Variants in C19orf18 observed in about 807,000 individuals in gnomAD.
The protein encoded by C19orf18 is uncharacterized protein C19orf18.
C19orf18 carries 21 observed loss-of-function variants against 23.3 expected under a neutral mutation model. The observed-to-expected ratio is 0.90, with a 90% CI of 0.64 to 1.30. The LOEUF (loss-of-function observed/expected upper bound fraction) is 1.30. C19orf18 is among the 50% of genes most tolerant of loss of function. C19orf18 has a pLI of 0.00. For missense variants in C19orf18, 249 were observed against 259.6 expected, an observed-to-expected ratio of 0.96 and a Z score of 0.28; for synonymous variants, 96 against 95.2, an observed-to-expected ratio of 1.01 and a Z score of -0.05.
Position 57,972,477 on chromosome 19 carries a change from A to T in C19orf18, c.254T>A (p.Phe85Tyr). 6.2e-7 allele frequency: 1 copy of T among 1,614,074 alleles called. No homozygotes were observed. The highest frequency in any genetic ancestry group is 2.2e-5 in the East Asian group (1 of 44,878). The stretch of plus-strand genomic sequence containing the variant: ...CCTTGGCTTACCTTTATTCCTCAGG[A>T]ATTTCATGGGGTTCGTAGGGGATGC... ...TAASPTNPMK[F>Y]LRNKAIIRHR... The change falls in exon 3 of 6, where the codon TTC becomes TAC. Residue 85 changes from phenylalanine to tyrosine, a missense_variant. Physicochemically the swap from Phe to Tyr is conservative, Grantham distance 22 (BLOSUM62 3). Coordinates refer to ENST00000314391, the MANE Select transcript of C19orf18 (RefSeq NM_152474.5).
At chr19:57,967,949 T>A (rs1034936591) in intron 3 of C19orf18, among the ~76,000 whole-genome samples, 11 of 151,940 alleles carry the variant, frequency 7.2e-5, no homozygotes, top group African/African-American at 2.4e-4. Context: ...GAGGTGGAGG[T>A]TGCAGTGAGC....
chr19:57,969,303 T>A (rs1007551996), intron 3 of C19orf18, among the ~76,000 whole-genome samples: 3 of 152,086 alleles, frequency 2.0e-5, no homozygotes, highest in African/African-American at 7.2e-5. Context: ...ATGCCTGTAG[T>A]CCCAGCACTT....
chr19:57,970,203 T>G (rs953899958), intron 3 of C19orf18, among the ~76,000 whole-genome samples: 14 of 152,296 alleles, frequency 9.2e-5, no homozygotes, highest in African/African-American at 2.6e-4. Flanking sequence ...TCTGCCTTTT[T>G]TCCTGTAAAT....
At chr19:57,965,000 C>G (rs1476382067) in intron 4 of C19orf18, among the ~76,000 whole-genome samples, 1 of 152,096 alleles carries the variant, frequency 6.6e-6, no homozygotes, top group Non-Finnish European at 1.5e-5. Flanking sequence ...GATGTAACTT[C>G]CCCCAAAGCT....
chr19:57,968,117 G>T (rs1218045029), intron 3 of C19orf18, among the ~76,000 whole-genome samples: 1 of 152,244 alleles, frequency 6.6e-6, no homozygotes, highest in African/African-American at 2.4e-5. Context: ...TTGGTGGCTG[G>T]CGAGGGTTCA....
intron 5 of C19orf18, 80 bp downstream of exon 5, chr19:57,961,311 G>T: frequency 3.7e-6 from 5 of 1,358,948 alleles, no homozygotes; most frequent in Non-Finnish European, 5.0e-6. Context: ...GCAAGCCACC[G>T]CTGAGAAAGA....
intron 5 of C19orf18, 47 bp from the exon 6 acceptor site, chr19:57,958,764 A>C: frequency 8.9e-7 from 1 of 1,118,120 alleles, no homozygotes; most frequent in East Asian, 2.7e-5. Context: ...AGTGAGGAAT[A>C]AAAATGGAGA....
At chr19:57,960,994 G>A (rs1346690267) in intron 5 of C19orf18, among the ~76,000 whole-genome samples, 2 of 152,074 alleles carry the variant, frequency 1.3e-5, no homozygotes, top group Admixed American at 1.3e-4. Context: ...CCTGGCACCC[G>A]AGCGTTGGTG....
intron 2 of C19orf18, among the ~76,000 whole-genome samples, chr19:57,973,772 C>G (rs76973178): frequency 1.3e-5 from 2 of 151,866 alleles, no homozygotes; most frequent in Admixed American, 6.6e-5. Flanking sequence ...CACAAACCTT[C>G]TGTGTCTAGA....
chr19:57,966,257 G>A (rs962646074), intron 4 of C19orf18, among the ~76,000 whole-genome samples: 1 of 152,012 alleles, frequency 6.6e-6, no homozygotes, highest in East Asian at 1.9e-4. Context: ...GATTACAAGC[G>A]TGAGCCACCA....
chr19:57,969,521 C>G (rs1478416755), intron 3 of C19orf18, among the ~76,000 whole-genome samples: 1 of 131,108 alleles, frequency 7.6e-6, no homozygotes, highest in Non-Finnish European at 1.6e-5. Context: ...CGCCATTGCA[C>G]TCCAGCCTGG....
In C19orf18 at chr19:57,966,777, T is replaced by C. The variant is rs1356370195; in HGVS notation, c.269-145A>G. 4 of 603,896 alleles carry C rather than the reference T, an allele frequency of 6.6e-6. No homozygotes were observed. The Admixed American group carries it at 1.1e-4, about 17-fold the overall frequency. The allele number at this position is 603,896 out of a possible 1,614,324, so 37.4% of individuals were successfully genotyped here. ...TAGCTTGTTTTGTTTTTTTTTGTTTTGTTTTCTTTTTTGACACTGAGTCTC... is the reference window on the plus strand; with the variant it reads ...TAGCTTGTTTTGTTTTTTTTTGTTTCGTTTTCTTTTTTGACACTGAGTCTC... On this transcript the variant is annotated intron_variant, in intron 3 of 5. Transcript: ENST00000314391.
At chr19:57,962,443 GTAGGTC>G (rs2072880026) in intron 4 of C19orf18, among the ~76,000 whole-genome samples, 3 of 152,198 alleles carry the variant, frequency 2.0e-5, no homozygotes, top group Non-Finnish European at 2.9e-5. Flanking sequence ...CTACCTCACT[GTAGGTC>G]CAATCCTGGA....
intron 3 of C19orf18, among the ~76,000 whole-genome samples, chr19:57,969,700 A>G (rs2072932979): frequency 6.7e-6 from 1 of 149,670 alleles, no homozygotes; most frequent in Non-Finnish European, 1.5e-5. Context: ...TGAGGTCAGG[A>G]GTTTGAGACC....
rs569601467 is a variant in C19orf18, at chr19:57,959,144, C to A, written c.533-427G>T. ...GTTAGTATGTCTGAATCACACACTA[C>A]ACTCTCTATAGTTTTCTCTCTAGAA... On this transcript the variant is annotated intron_variant, in intron 5 of 5. Coordinates refer to ENST00000314391, the MANE Select transcript of C19orf18 (RefSeq NM_152474.5). 2.6e-5 allele frequency among the ~76,000 whole-genome samples: 4 copies of A among 152,268 alleles called. No homozygotes were observed. The South Asian group carries it at 8.3e-4, about 32-fold the overall frequency.
chr19:57,974,372 G>T lies in C19orf18; in HGVS notation c.61C>A (p.His21Asn). 6.2e-7 allele frequency: 1 copy of T among 1,614,114 alleles called. No homozygotes were observed. The highest frequency in any genetic ancestry group is 8.5e-7 in the Non-Finnish European group (1 of 1,180,000). The change falls in exon 1 of 6, where the codon CAT (histidine) becomes AAT (asparagine). Residue 21 changes from histidine to asparagine, a missense_variant. Coordinates refer to ENST00000314391, the MANE Select transcript of C19orf18 (RefSeq NM_152474.5). The part of the protein sequence containing the change: ...LFLFLMECQL[H>N]LCLPYADGLH... ...CCATCTGCATACGGCAAGCATAAATGAAGTTGGCATTCCATTAAAAACAAA... is the reference window on the plus strand; with the variant it reads ...CCATCTGCATACGGCAAGCATAAATTAAGTTGGCATTCCATTAAAAACAAA...
At chr19:57,969,598 C>CAAAAAAAAAAAAAAAAAAAAAAAA (rs2072932325) in intron 3 of C19orf18, among the ~76,000 whole-genome samples, 1 of 67,386 alleles carries the variant, frequency 1.5e-5, no homozygotes, top group Non-Finnish European at 3.0e-5. Flanking sequence ...AAAAAAAAAC[C>CAAAAAAAAAAAAAAAAAAAAAAAA]AAGAAAAAAA....
intron 4 of C19orf18, among the ~76,000 whole-genome samples, chr19:57,963,495 T>A (rs551480539): frequency 7.6e-4 from 116 of 152,342 alleles, no homozygotes; most frequent in Non-Finnish European, 1.4e-3. Context: ...CGTTTTAATG[T>A]ATTTTTAAAT....
chr19:57,968,013 A>AAAAAG (rs1568567881), intron 3 of C19orf18, among the ~76,000 whole-genome samples: 2 of 150,670 alleles, frequency 1.3e-5, no homozygotes, highest in South Asian at 2.1e-4. Flanking sequence ...CCCTGTCTCA[A>AAAAAG]AAAAAGAAAA....
Sources: allele counts gnomAD v4.1 joint callset (sites outside exome capture counted in the v4.1 genomes callset), GRCh38; gene constraint gnomAD v4.1.1; transcripts MANE v1.5; gene names NCBI Gene and HGNC (gene_info 2026-07-23, HGNC 2026-07-21).